Variants in RSF1 observed in about 807,000 individuals in gnomAD.
The protein encoded by RSF1 is remodeling and spacing factor 1.
Under a neutral mutation model 145.2 loss-of-function variants are expected in RSF1, and 13 were observed. The observed-to-expected ratio is 0.09, with a 90% CI of 0.06 to 0.14. The LOEUF (loss-of-function observed/expected upper bound fraction) is 0.14. Ranked by LOEUF, RSF1 falls within the 10% of genes least tolerant of loss-of-function variation. The pLI is 1.00. For missense variants in RSF1, 1,517 were observed against 1,718.2 expected, an observed-to-expected ratio of 0.88 and a Z score of 2.07; for synonymous variants, 577 against 592.6, an observed-to-expected ratio of 0.97 and a Z score of 0.38.
Position 77,698,665 on chromosome 11 carries a change from G to A in RSF1, c.2537C>T (p.Thr846Ile), listed in dbSNP as rs780484498. The A allele has an allele frequency of 3.1e-6, 5 of 1,614,036 alleles. No individual in the cohort carries two copies. Among genetic ancestry groups the A allele is most frequent in the Non-Finnish European group, 4.2e-6 (5 of 1,179,988 alleles). Residue 846 changes from threonine to isoleucine, a missense_variant, in exon 7 of 16, where the codon ACT (threonine) becomes ATT (isoleucine). By Grantham distance (89) the Thr-to-Ile change is moderately conservative (BLOSUM62 -1). Around this residue, in one of 12 missense-constraint regions of RSF1, gnomAD observed 579 missense variants for 553.5 expected, o/e 1.05. Coordinates refer to ENST00000308488, the MANE Select transcript of RSF1 (RefSeq NM_016578.4). ...KVKPKGKVRW[T>I]GSRTRGRWKY... ...CCATCTGCCACGTGTCCGAGAACCA[G>A]TCCATCGAACTTTGCCTTTGGGTTT... is the stretch of plus-strand genomic sequence containing the variant.
intron 6 of RSF1, among the ~76,000 whole-genome samples, chr11:77,699,694 G>A (rs896881286): frequency 2.6e-5 from 4 of 152,214 alleles, no homozygotes; most frequent in Admixed American, 2.6e-4. Context: ...GGAGGGCAAT[G>A]TGGAAGTAGC....
At chr11:77,853,661 T>C in the RSF1 span, among the ~76,000 whole-genome samples, 1 of 152,106 alleles carries the variant, frequency 6.6e-6, no homozygotes, top group Non-Finnish European at 1.5e-5. Flanking sequence ...ATTACAGCCA[T>C]GCCAGGCAGT....
chr11:77,764,442 G>T (rs1948205416), intron 2 of RSF1, 156 bp downstream of exon 2: 1 of 571,382 alleles, frequency 1.8e-6, no homozygotes, highest in Non-Finnish European at 3.0e-6. Flanking sequence ...AGTAGCAAAA[G>T]AAGAGAATCA....
intron 1 of RSF1, among the ~76,000 whole-genome samples, chr11:77,815,791 A>G (rs572337821): frequency 1.3e-5 from 2 of 152,328 alleles, no homozygotes; most frequent in African/African-American, 4.8e-5. Flanking sequence ...ACATCTGTAC[A>G]TAGCAGATGC....
upstream of RSF1, among the ~76,000 whole-genome samples, chr11:77,823,130 G>T (rs1014745237): frequency 2.7e-5 from 4 of 146,816 alleles, no homozygotes; most frequent in African/African-American, 1.0e-4. Context: ...CAGGAGAATG[G>T]CATGGACCCG....
chr11:77,687,583 T>C (rs1960044258), intron 9 of RSF1, among the ~76,000 whole-genome samples: 1 of 152,160 alleles, frequency 6.6e-6, no homozygotes, highest in Non-Finnish European at 1.5e-5. Flanking sequence ...GGCGTGTGCC[T>C]GTGGTCCAAG....
intron 2 of RSF1, among the ~76,000 whole-genome samples, chr11:77,761,674 G>A (rs1332851135): frequency 6.6e-6 from 1 of 152,070 alleles, no homozygotes; most frequent in Non-Finnish European, 1.5e-5. Context: ...CAGAAAATAG[G>A]GGAATTTCAT....
At chr11:77,704,837 C>T (rs1034040327) in intron 5 of RSF1, among the ~76,000 whole-genome samples, 1 of 149,866 alleles carries the variant, frequency 6.7e-6, no homozygotes, top group Non-Finnish European at 1.5e-5. Flanking sequence ...ACCACAACCT[C>T]CGTCTCCTGG....
At chr11:77,847,183 G>C in the RSF1 span, among the ~76,000 whole-genome samples, 1 of 152,160 alleles carries the variant, frequency 6.6e-6, no homozygotes, top group Non-Finnish European at 1.5e-5. Context: ...CTCTGAAAAT[G>C]GCAGTGCCTT....
upstream of RSF1, among the ~76,000 whole-genome samples, chr11:77,824,071 C>A (rs1949063043): frequency 6.6e-6 from 1 of 152,084 alleles, no homozygotes; most frequent in Non-Finnish European, 1.5e-5. Context: ...TTATATCCAC[C>A]CAAAGATAAG....
In RSF1 at chr11:77,665,669, T is replaced by C. The variant is rs1590817434; in HGVS notation, c.*1248A>G. The stretch of plus-strand genomic sequence containing the variant: ...CAACTCTATGTTGGTTGTATGACTA[T>C]TAATGAATTTTAATAGAAGTCTAAT... On this transcript the variant is annotated 3_prime_UTR_variant, in exon 16 of 16. Coordinates refer to ENST00000308488, the MANE Select transcript of RSF1 (RefSeq NM_016578.4). 6.6e-6 allele frequency: 1 copy of C among 152,328 alleles called. No homozygotes were observed. Among genetic ancestry groups the C allele is most frequent in the East Asian group, 1.9e-4 (1 of 5,190 alleles). The allele number at this position is 152,328 out of a possible 1,614,324, so 9.4% of individuals were successfully genotyped here.
Position 77,667,221 on chromosome 11 carries a change from T to C in RSF1, c.4022A>G (p.Tyr1341Cys), listed in dbSNP as rs1959386179. ...PSEQESTKKP[Y>C]RIESDEEEDF... ...CTCTTCCTCATCACTTTCTATCCGG[T>C]AGGGCTTCTTGGTGCTCTCTTGTTC... is the stretch of plus-strand genomic sequence containing the variant. The change falls in exon 16 of 16, where the codon TAC (tyrosine) becomes TGC (cysteine). Residue 1341 changes from tyrosine to cysteine, a missense_variant. By Grantham distance (194) the Tyr-to-Cys change is radical (BLOSUM62 -2). This residue lies in a region of RSF1 where 240 missense variants were observed against 231.8 expected (regional missense o/e 1.04). Transcript: ENST00000308488. The C allele has an allele frequency of 1.9e-6, 3 of 1,614,064 alleles. No homozygotes were observed. The highest frequency in any genetic ancestry group is 1.7e-5 in the Admixed American group (1 of 60,000).
chr11:77,768,803 A>G lies in RSF1; in HGVS notation c.188-4114T>C, dbSNP rs532146365. Among the ~76,000 whole-genome samples, 4 of 152,342 alleles carry G rather than the reference A, an allele frequency of 2.6e-5. No individual in the cohort carries two copies. In the South Asian group the frequency reaches 8.3e-4, roughly 32 times the overall value. ...ATTAATCAACATTATAGTTTATTAA[A>G]CATTAAAATCACCATACTTTTTATT... On this transcript the variant is annotated intron_variant, in intron 1 of 15. Coordinates refer to ENST00000308488, the MANE Select transcript of RSF1 (RefSeq NM_016578.4).
chr11:77,705,955 G>C (rs1426872144), intron 5 of RSF1, among the ~76,000 whole-genome samples: 1 of 152,014 alleles, frequency 6.6e-6, no homozygotes, highest in Admixed American at 6.6e-5. Flanking sequence ...TTTTTTATTT[G>C]AACTATTTCA....
upstream of RSF1, chr11:77,820,906 A>G (rs1948868975): frequency 5.0e-6 from 3 of 604,492 alleles, no homozygotes; most frequent in African/African-American, 1.9e-5. Context: ...ACCGAGTCAG[A>G]CGGGAGACAG....
chr11:77,808,780 A>G (rs1010127624), intron 1 of RSF1, among the ~76,000 whole-genome samples: 3 of 149,498 alleles, frequency 2.0e-5, no homozygotes, highest in Non-Finnish European at 4.4e-5. Context: ...TGATCCGCCC[A>G]CCTCGGCCTC....
At chr11:77,787,456 A>G (rs1948468462) in intron 1 of RSF1, among the ~76,000 whole-genome samples, 1 of 152,244 alleles carries the variant, frequency 6.6e-6, no homozygotes, top group African/African-American at 2.4e-5. Context: ...AATAAAGTTC[A>G]CAACCATGTT....
intron 5 of RSF1, among the ~76,000 whole-genome samples, chr11:77,708,693 A>C (rs1372376200): frequency 6.6e-6 from 1 of 152,234 alleles, no homozygotes; most frequent in Non-Finnish European, 1.5e-5. Context: ...CATTTTATTC[A>C]GATTCAAAAC....
intron 1 of RSF1, among the ~76,000 whole-genome samples, chr11:77,778,392 T>A (rs1470223356): frequency 6.6e-6 from 1 of 152,098 alleles, no homozygotes; most frequent in Non-Finnish European, 1.5e-5. Context: ...AGTATTTTCA[T>A]TTATATGTGA....
Sources: gnomAD v4.1 joint callset for allele counts (sites outside exome capture counted in the v4.1 genomes callset) on GRCh38, gnomAD v4.1.1 for gene constraint, gnomAD v4.1.1 regional missense constraint, MANE v1.5 for transcripts, NCBI Gene and HGNC (gene_info 2026-07-23, HGNC 2026-07-21) for gene names.